The following TENM3 variants were observed in gnomAD, a reference collection of about 807,000 sequenced individuals.
TENM3 encodes the protein teneurin-3.
Under a neutral mutation model 255.1 loss-of-function variants are expected in TENM3, and 63 were observed. That is an observed-to-expected ratio of 0.25 (90% CI 0.20 to 0.30). TENM3 has a LOEUF of 0.30. Ranked by LOEUF, TENM3 falls within the 10% of genes least tolerant of loss-of-function variation. The pLI, the probability that TENM3 is intolerant of heterozygous loss-of-function variation, is 1.00. For missense variants in TENM3, 2,929 were observed against 3,461.1 expected, an observed-to-expected ratio of 0.85 and a Z score of 3.86; for synonymous variants, 1,306 against 1,322.3, an observed-to-expected ratio of 0.99 and a Z score of 0.27.
the TENM3 span, among the ~76,000 whole-genome samples, chr4:181,962,499 G>A: frequency 6.6e-6 from 1 of 152,192 alleles, no homozygotes; most frequent in African/African-American, 2.4e-5. Flanking sequence ...AGGAAAGTTT[G>A]TTTCCCAGAT....
At chr4:182,768,829 G>A (rs566565575) in intron 22 of TENM3, among the ~76,000 whole-genome samples, 1 of 152,228 alleles carries the variant, frequency 6.6e-6, no homozygotes, top group East Asian at 1.9e-4. Context: ...GTAGGTCACG[G>A]AGAGCCTGAG....
intron 6 of TENM3, among the ~76,000 whole-genome samples, chr4:182,658,610 A>G (rs1325794568): frequency 6.6e-6 from 1 of 152,250 alleles, no homozygotes; most frequent in Non-Finnish European, 1.5e-5. Flanking sequence ...GAACCCATCA[A>G]CTACTTTGGT....
chr4:181,523,202 C>T, the TENM3 span, among the ~76,000 whole-genome samples: 1 of 152,164 alleles, frequency 6.6e-6, no homozygotes, highest in African/African-American at 2.4e-5. Flanking sequence ...TGACCACAAG[C>T]GTCTTTTATA....
At chr4:181,568,327 A>G in the TENM3 span, among the ~76,000 whole-genome samples, 1 of 151,748 alleles carries the variant, frequency 6.6e-6, no homozygotes. Context: ...CCACACCCAG[A>G]TAATTGTTTT....
the TENM3 span, among the ~76,000 whole-genome samples, chr4:181,589,582 T>A: frequency 6.6e-6 from 1 of 152,172 alleles, no homozygotes; most frequent in African/African-American, 2.4e-5. Context: ...TCTACACTTT[T>A]AGGAATTTTT....
At chr4:181,729,571 T>C in the TENM3 span, among the ~76,000 whole-genome samples, 139,686 of 152,276 alleles carry the variant, frequency 0.92, 64,113 homozygotes, top group East Asian at 0.94. Context: ...CAGATGTATT[T>C]GAGTAAAGGC....
chr4:181,679,792 C>T, the TENM3 span, among the ~76,000 whole-genome samples: 3 of 152,024 alleles, frequency 2.0e-5, no homozygotes, highest in Non-Finnish European at 4.4e-5. Context: ...ATAAATAATA[C>T]ATAAAACTAA....
intron 3 of TENM3, among the ~76,000 whole-genome samples, chr4:182,427,326 A>T (rs1771298132): frequency 6.6e-6 from 1 of 152,194 alleles, no homozygotes; most frequent in Admixed American, 6.5e-5. Context: ...CAGAGGGAAA[A>T]CTTTACACGA....
the TENM3 span, among the ~76,000 whole-genome samples, chr4:181,776,971 A>G: frequency 5.3e-5 from 8 of 151,712 alleles, no homozygotes; most frequent in African/African-American, 9.7e-5. Flanking sequence ...TTTTTTGTCT[A>G]TGCTTTTGAA....
chr4:182,400,686 C>T (rs1323264356), intron 3 of TENM3, among the ~76,000 whole-genome samples: 2 of 152,080 alleles, frequency 1.3e-5, no homozygotes, highest in Non-Finnish European at 2.9e-5. Flanking sequence ...TTAAAAAATT[C>T]ACAATGCAAG....
At chr4:182,693,066 A>G (rs747179673) in intron 12 of TENM3, among the ~76,000 whole-genome samples, 1 of 152,178 alleles carries the variant, frequency 6.6e-6, no homozygotes, top group Non-Finnish European at 1.5e-5. Context: ...GCATTGAAAC[A>G]TAGTGAGAAA....
chr4:182,393,852 A>C (rs1768612357), intron 3 of TENM3, among the ~76,000 whole-genome samples: 1 of 152,166 alleles, frequency 6.6e-6, no homozygotes, highest in Non-Finnish European at 1.5e-5. Flanking sequence ...GTTTCCGTCC[A>C]TTTCTCAAAA....
chr4:182,520,348 C>T (rs1220533388), intron 3 of TENM3, among the ~76,000 whole-genome samples: 2 of 152,198 alleles, frequency 1.3e-5, no homozygotes, highest in Non-Finnish European at 2.9e-5. Context: ...AATCTAGTCT[C>T]TGCATTAGCA....
chr4:181,789,640 C>G, the TENM3 span, among the ~76,000 whole-genome samples: 1 of 152,030 alleles, frequency 6.6e-6, no homozygotes, highest in African/African-American at 2.4e-5. Context: ...CCAGAAAGAC[C>G]AAGCAGTTAT....
intron 3 of TENM3, among the ~76,000 whole-genome samples, chr4:182,445,103 C>T (rs997296051): frequency 6.6e-6 from 1 of 152,196 alleles, no homozygotes; most frequent in Non-Finnish European, 1.5e-5. Flanking sequence ...GCCACCGTGC[C>T]TGGCCAATAA....
At chr4:182,056,572 G>A in the TENM3 span, among the ~76,000 whole-genome samples, 2 of 152,110 alleles carry the variant, frequency 1.3e-5, no homozygotes, top group Non-Finnish European at 2.9e-5. Context: ...AAAGACTGCA[G>A]CAACATTAGC....
the TENM3 span, among the ~76,000 whole-genome samples, chr4:181,460,940 CTATT>C: frequency 3.3e-5 from 5 of 151,822 alleles, no homozygotes; most frequent in African/African-American, 1.2e-4. Flanking sequence ...AGTTTATTTT[CTATT>C]TATTACATAG....
chr4:181,709,793 G>T, the TENM3 span, among the ~76,000 whole-genome samples: 1 of 152,208 alleles, frequency 6.6e-6, no homozygotes, highest in East Asian at 1.9e-4. Flanking sequence ...TTAGATTCAG[G>T]ACTTATTTTT....
At chr4:181,684,918 CTTTTT>C in the TENM3 span, among the ~76,000 whole-genome samples, 1 of 45,046 alleles carries the variant, frequency 2.2e-5, no homozygotes, top group Admixed American at 3.2e-4. Flanking sequence ...CCGTGCCTGG[CTTTTT>C]TTTTTTTTTT....
Sources: gnomAD v4.1 joint callset for allele counts (sites outside exome capture counted in the v4.1 genomes callset) on GRCh38, gnomAD v4.1.1 for gene constraint, MANE v1.5 for transcripts, NCBI Gene and HGNC (gene_info 2026-07-23, HGNC 2026-07-21) for gene names.